Variants in PTPRF observed in about 807,000 individuals in gnomAD.
The protein encoded by PTPRF is protein tyrosine phosphatase receptor type F, also known as receptor-type tyrosine-protein phosphatase F.
In PTPRF, 59 loss-of-function variants were observed where a neutral mutation model predicts 201.8. That is an observed-to-expected ratio of 0.29 (90% CI 0.24 to 0.36). The LOEUF (loss-of-function observed/expected upper bound fraction) is 0.36, where lower values mean the gene tolerates loss of function less well. Among genes scored for constraint, PTPRF ranks in the 10% least tolerant of loss-of-function variants. The pLI is 1.00. For synonymous variants in PTPRF, 1,088 were observed against 1,089.7 expected (o/e 1.00, Z 0.03); for missense variants, 2,132 against 2,690.5 (o/e 0.79, Z 4.59).
rs1570101541 is a variant in PTPRF at position 43,569,850 on chromosome 1, C to G, written c.568+72C>G. 27 of 1,483,210 alleles carry G rather than the reference C, an allele frequency of 1.8e-5. No homozygotes were observed. The East Asian group carries it at 6.4e-4, about 35-fold the overall frequency. 91.9% of individuals were successfully genotyped at this position (1,483,210 alleles called of 1,614,324 possible). Reference sequence around the variant, plus strand: ...GCGTCTTGTCAGATCCCAGCACAGCCTACTCCCTTGGGCCTGGGCACCTCC... The same window carrying G: ...GCGTCTTGTCAGATCCCAGCACAGCGTACTCCCTTGGGCCTGGGCACCTCC... On this transcript the variant is annotated intron_variant, in intron 6 of 33. Coordinates refer to ENST00000359947, the MANE Select transcript of PTPRF (RefSeq NM_002840.5).
In PTPRF at chr1:43,588,640, C is replaced by T; in HGVS notation, c.680-91C>T. ...CTCTGAGCATGGGTTTGGCTCTGACCAGAGGGGCTTCCTGAATGAGGGGCC... is the reference window on the plus strand; with the variant it reads ...CTCTGAGCATGGGTTTGGCTCTGACTAGAGGGGCTTCCTGAATGAGGGGCC... On this transcript the variant is annotated intron_variant, in intron 7 of 33. Transcript: ENST00000359947. The surrounding 1 kb of genome is among the most constrained non-coding windows in gnomAD (Gnocchi z 5.3). 1.3e-6 allele frequency: 2 copies of T among 1,525,404 alleles called. No individual in the cohort carries two copies. Among genetic ancestry groups the T allele is most frequent in the South Asian group, 1.2e-5 (1 of 80,162 alleles). The allele number at this position is 1,525,404 out of a possible 1,614,324, so 94.5% of individuals were successfully genotyped here. A position where few individuals can be genotyped will look rare whatever the true frequency, so the allele number is the denominator to read the frequency against.
At chr1:43,531,614 G>C (rs1229230695) in intron 1 of PTPRF, among the ~76,000 whole-genome samples, 1 of 149,342 alleles carries the variant, frequency 6.7e-6, no homozygotes, top group Non-Finnish European at 1.5e-5. Flanking sequence ...CCCGGGTCTC[G>C]CTCGCGGCCC....
At chr1:43,609,803 C>T (rs768798076) in intron 22 of PTPRF, among the ~76,000 whole-genome samples, 9 of 152,212 alleles carry the variant, frequency 5.9e-5, no homozygotes, top group African/African-American at 9.7e-5. Context: ...CCAGAGCCCA[C>T]GTCTCTGCCA....
In PTPRF at chr1:43,593,415, C is replaced by CTG. The variant is rs894721695; in HGVS notation, c.1813+827_1813+828dup. Reference sequence around the variant, plus strand: ...TCTCGGTAGCCCCCCAGACAGTAGACTGTGTGTGTGTGTGACTCTGTGGTT... The same window carrying CTG: ...TCTCGGTAGCCCCCCAGACAGTAGACTGTGTGTGTGTGTGTGACTCTGTGGTT... On this transcript the variant is annotated intron_variant, in intron 11 of 33. Transcript: ENST00000359947. Among the ~76,000 whole-genome samples, 19 of 151,638 alleles carry CTG rather than the reference C, an allele frequency of 1.3e-4. 1 individual carries two copies. Among genetic ancestry groups the CTG allele is most frequent in the South Asian group, 8.3e-4 (4 of 4,800 alleles).
rs1340671412 is a variant in PTPRF at position 43,618,768 on chromosome 1, G to A, written c.4491+19G>A. 1.1e-5 allele frequency: 18 copies of A among 1,589,544 alleles called. No individual in the cohort carries two copies. Among genetic ancestry groups the A allele is most frequent in the East Asian group, 9.1e-5 (4 of 44,158 alleles). Reference sequence around the variant, plus strand: ...CCACAAGGTATAGCCTTTCCCCAGTGCATATCTCTTACCCAGACACTGTAA... The same window carrying A: ...CCACAAGGTATAGCCTTTCCCCAGTACATATCTCTTACCCAGACACTGTAA... On this transcript the variant is annotated intron_variant, in intron 26 of 33. Coordinates refer to ENST00000359947, the MANE Select transcript of PTPRF (RefSeq NM_002840.5).
chr1:43,620,257 C>A, intron 30 of PTPRF, 36 bp downstream of exon 30: 1 of 1,610,304 alleles, frequency 6.2e-7, no homozygotes, highest in Non-Finnish European at 8.5e-7. Context: ...CCCTGTCATA[C>A]CTGGGAGAAC....
Position 43,597,738 on chromosome 1 carries a change from T to TTTTTCCCCCCCCCCCCCCCCCCCCCCC in PTPRF, c.1814-10_1814-9insTTTTCCCCCCCCCCCCCCCCCCCCCCC. On this transcript the variant is annotated splice_polypyrimidine_tract_variant and intron_variant, in intron 11 of 33. Coordinates refer to ENST00000359947, the MANE Select transcript of PTPRF (RefSeq NM_002840.5). ...CATCTGCTTGCTTCCCCCCCATTTG[T>TTTTTCCCCCCCCCCCCCCCCCCCCCCC]CTTCCCCAGCCCCCTCCGCCCCTCC... is the stretch of plus-strand genomic sequence containing the variant. 1.4e-6 allele frequency: 2 copies of TTTTTCCCCCCCCCCCCCCCCCCCCCCC among 1,459,802 alleles called. No individual in the cohort carries two copies. Among genetic ancestry groups the TTTTTCCCCCCCCCCCCCCCCCCCCCCC allele is most frequent in the Non-Finnish European group, 1.9e-6 (2 of 1,063,590 alleles). The allele number at this position is 1,459,802 out of a possible 1,614,324, so 90.4% of individuals were successfully genotyped here. A position where few individuals can be genotyped will look rare whatever the true frequency, so the allele number is the denominator to read the frequency against.
upstream of PTPRF, among the ~76,000 whole-genome samples, chr1:43,523,134 G>C (rs1185411886): frequency 6.6e-6 from 1 of 152,136 alleles, no homozygotes; most frequent in Non-Finnish European, 1.5e-5. Flanking sequence ...TGGACAGTGG[G>C]GCCACTGACT....
At chr1:43,549,982 G>A (rs1208869358) in intron 3 of PTPRF, among the ~76,000 whole-genome samples, 1 of 152,202 alleles carries the variant, frequency 6.6e-6, no homozygotes, top group African/African-American at 2.4e-5. Flanking sequence ...GGTTAGATCT[G>A]TGCTCCCCAA....
chr1:43,575,975 C>G (rs371669814), intron 6 of PTPRF: 1 of 1,359,468 alleles, frequency 7.4e-7, no homozygotes, highest in African/African-American at 1.5e-5. Flanking sequence ...TTGCCACTGC[C>G]GTCACCTCCA....
At position 43,598,708 on chromosome 1, in the gene PTPRF, C is replaced by G. The variant is rs373866463; in HGVS notation, c.2120-12C>G. ...CTCCAGGCCTGACTTCCTTCTCTAC[C>G]TGACCCCCCAGTGCCCAGCGGGCCT... On this transcript the variant is annotated splice_polypyrimidine_tract_variant and intron_variant, in intron 12 of 33. Coordinates refer to ENST00000359947, the MANE Select transcript of PTPRF (RefSeq NM_002840.5). 111 of 1,608,750 alleles carry G rather than the reference C, an allele frequency of 6.9e-5. 1 individual carries two copies. The highest frequency in any genetic ancestry group is 8.8e-5 in the Non-Finnish European group (104 of 1,176,236).
At chr1:43,526,092 C>T (rs745921320), upstream of PTPRF, among the ~76,000 whole-genome samples, 7 of 152,056 alleles carry the variant, frequency 4.6e-5, no homozygotes, top group Non-Finnish European at 8.8e-5. Context: ...AGAGCAAAGC[C>T]TGGAGGCGCC....
At chr1:43,535,939 T>G (rs1643973828) in intron 1 of PTPRF, among the ~76,000 whole-genome samples, 2 of 151,964 alleles carry the variant, frequency 1.3e-5, no homozygotes, top group South Asian at 4.2e-4. Flanking sequence ...CCTGGCTAAT[T>G]TTTGTATTTT....
rs775132901 is a variant in PTPRF, at chr1:43,619,698, G to A, written c.4951G>A (p.Ala1651Thr). The A allele has an allele frequency of 6.2e-7, 1 of 1,614,114 alleles. No homozygotes were observed. Among genetic ancestry groups the A allele is most frequent in the South Asian group, 1.1e-5 (1 of 91,076 alleles). The change falls in exon 29 of 34, where the codon GCC becomes ACC. Residue 1651 changes from alanine (A) to threonine (T), a missense_variant. Physicochemically the swap from Ala to Thr is moderately conservative, Grantham distance 58 (BLOSUM62 0). Transcript: ENST00000359947. Reference protein sequence around the residue: ...LEFKLLASSKAHTSRFISANL... With the variant: ...LEFKLLASSKTHTSRFISANL... ...TCAATAGTTGCTGGCCAGCTCCAAG[G>A]CCCACACGTCCCGCTTCATCAGCGC...
intron 5 of PTPRF, among the ~76,000 whole-genome samples, chr1:43,560,572 G>A (rs1038938488): frequency 6.6e-6 from 1 of 152,148 alleles, no homozygotes; most frequent in East Asian, 1.9e-4. Context: ...GGTGGGGTCA[G>A]TCTGGCACTG....
intron 5 of PTPRF, among the ~76,000 whole-genome samples, chr1:43,556,906 G>A (rs139338211): frequency 3.7e-4 from 57 of 152,314 alleles, no homozygotes; most frequent in African/African-American, 1.3e-3. Context: ...CTGCTCCCAC[G>A]GGGGGACATA....
intron 20 of PTPRF, 147 bp downstream of exon 20, chr1:43,606,605 T>C: frequency 2.7e-6 from 3 of 1,091,298 alleles, no homozygotes; most frequent in South Asian, 1.5e-5. Flanking sequence ...CCAAGATCTG[T>C]CCCGGGGATC....
chr1:43,551,297 A>T (rs898898236), intron 3 of PTPRF, among the ~76,000 whole-genome samples: 1 of 151,280 alleles, frequency 6.6e-6, no homozygotes, highest in Non-Finnish European at 1.5e-5. Flanking sequence ...GGGGTGGGGG[A>T]CAGGAGACAC....
At chr1:43,605,054 G>T in intron 17 of PTPRF, 54 bp downstream of exon 17, 1 of 1,596,550 alleles carries the variant, frequency 6.3e-7, no homozygotes, top group Non-Finnish European at 8.6e-7. Context: ...CCTGCTGGGT[G>T]CTGTCTTTCC....
Sources: allele counts gnomAD v4.1 joint callset (sites outside exome capture counted in the v4.1 genomes callset), GRCh38; gene constraint gnomAD v4.1.1; non-coding constraint Gnocchi (gnomAD v3.1); transcripts MANE v1.5; gene names NCBI Gene and HGNC (gene_info 2026-07-23, HGNC 2026-07-21).